Variants in ENOX1 observed in about 807,000 individuals in gnomAD.
The protein encoded by ENOX1 is candidate growth-related and time keeping constitutive hydroquinone (NADH) oxidase.
Under a neutral mutation model 82.5 loss-of-function variants are expected in ENOX1, and 42 were observed. The observed-to-expected ratio is 0.51, with a 90% confidence interval of 0.40 to 0.66. ENOX1 has a LOEUF of 0.66. ENOX1 is among the 30% of genes least tolerant of loss of function. ENOX1 has a pLI of 0.00. For synonymous variants in ENOX1, 271 were observed against 282.2 expected, an observed-to-expected ratio of 0.96 and a Z score of 0.40; for missense variants, 608 against 811.6, an observed-to-expected ratio of 0.75 and a Z score of 3.05.
chr13:43,450,425 T>C (rs985483585), intron 3 of ENOX1, among the ~76,000 whole-genome samples: 1 of 152,012 alleles, frequency 6.6e-6, no homozygotes, highest in Non-Finnish European at 1.5e-5. Context: ...GTGACTGTCA[T>C]TGAGAGGATA....
At chr13:43,461,454 A>AT (rs879275022) in intron 3 of ENOX1, among the ~76,000 whole-genome samples, 3 of 152,062 alleles carry the variant, frequency 2.0e-5, no homozygotes, top group Admixed American at 6.5e-5. Context: ...TGATATATAT[A>AT]TTTTTTTCTT....
intron 2 of ENOX1, among the ~76,000 whole-genome samples, chr13:43,613,297 T>C (rs558973243): frequency 2.6e-5 from 4 of 152,314 alleles, no homozygotes; most frequent in South Asian, 2.1e-4. Flanking sequence ...ATTGTATTTA[T>C]ACAATTAAAA....
intron 5 of ENOX1, among the ~76,000 whole-genome samples, chr13:43,394,265 A>G (rs529357100): frequency 7.2e-4 from 110 of 152,360 alleles, no homozygotes; most frequent in African/African-American, 2.5e-3. Context: ...CTCCTCTTGA[A>G]CAGCCCAAGG....
At chr13:43,410,443 A>T (rs1156957492) in intron 5 of ENOX1, among the ~76,000 whole-genome samples, 27 of 152,192 alleles carry the variant, frequency 1.8e-4, no homozygotes, top group Admixed American at 1.8e-3. Flanking sequence ...TATGAATTTG[A>T]TAGCATTTTG....
rs2042041503 is a variant in ENOX1, at chr13:43,226,731, A to AG, written c.1715-2594dup. Among the ~76,000 whole-genome samples, 3 of 152,160 alleles carry AG rather than the reference A, an allele frequency of 2.0e-5. No homozygotes were observed. In the South Asian group the frequency reaches 6.2e-4, roughly 32 times the overall value. ...TCAGCTTTGGCTTTGTGAGCAGGTGAGGGGGTGCTCCTAGTCGGAAGCTTT... is the reference window on the plus strand; with the variant it reads ...TCAGCTTTGGCTTTGTGAGCAGGTGAGGGGGGTGCTCCTAGTCGGAAGCTTT... On this transcript the variant is annotated intron_variant, in intron 15 of 16. Coordinates refer to ENST00000690772, the MANE Select transcript of ENOX1 (RefSeq NM_001347969.2).
At chr13:43,784,021 T>C (rs1210368576) in intron 1 of ENOX1, among the ~76,000 whole-genome samples, 3 of 152,208 alleles carry the variant, frequency 2.0e-5, no homozygotes, top group African/African-American at 7.2e-5. Flanking sequence ...AATACTATTG[T>C]CTGTTTCCAT....
chr13:43,322,325 T>C, intron 11 of ENOX1, 59 bp downstream of exon 11: 1 of 1,334,230 alleles, frequency 7.5e-7, no homozygotes, highest in Non-Finnish European at 1.1e-6. Flanking sequence ...TTATTCCCCA[T>C]CTGAGATTTG....
At chr13:43,683,844 T>C (rs367545963) in intron 1 of ENOX1, among the ~76,000 whole-genome samples, 11 of 151,900 alleles carry the variant, frequency 7.2e-5, no homozygotes, top group African/African-American at 2.2e-4. Flanking sequence ...TCTATAAATA[T>C]GTATTTAGAC....
At chr13:43,656,534 G>A (rs1274061528) in intron 2 of ENOX1, among the ~76,000 whole-genome samples, 1 of 152,156 alleles carries the variant, frequency 6.6e-6, no homozygotes, top group Non-Finnish European at 1.5e-5. Flanking sequence ...GATGAATCGG[G>A]AAGAGGCAAC....
At chr13:43,677,442 T>C (rs1431981002) in intron 1 of ENOX1, among the ~76,000 whole-genome samples, 1 of 152,168 alleles carries the variant, frequency 6.6e-6, no homozygotes, top group East Asian at 1.9e-4. Context: ...CAGGAGGCTG[T>C]AGAGTGCCAA....
intron 1 of ENOX1, among the ~76,000 whole-genome samples, chr13:43,694,464 T>A (rs2086531172): frequency 6.6e-6 from 1 of 152,218 alleles, no homozygotes; most frequent in Admixed American, 6.5e-5. Context: ...GCCAGGACAC[T>A]CACACAATGC....
chr13:43,405,701 C>T (rs1436186983), intron 5 of ENOX1, among the ~76,000 whole-genome samples: 1 of 152,212 alleles, frequency 6.6e-6, no homozygotes, highest in Admixed American at 6.5e-5. Context: ...CTTCAGGTTA[C>T]TCCATCTGTA....
chr13:43,445,731 A>G lies in ENOX1; in HGVS notation c.-74-32743T>C, dbSNP rs74663320. Reference sequence around the variant, plus strand: ...ACCATTACCAAGGGCACATGGAACAATCTTTCCTATTATTTTTACTGGCAG... The same window carrying G: ...ACCATTACCAAGGGCACATGGAACAGTCTTTCCTATTATTTTTACTGGCAG... On this transcript the variant is annotated intron_variant, in intron 3 of 16. Coordinates refer to ENST00000690772, the MANE Select transcript of ENOX1 (RefSeq NM_001347969.2). 9.7e-3 allele frequency among the ~76,000 whole-genome samples: 1,477 copies of G among 152,322 alleles called. 19 individuals are homozygous for G. The highest frequency in any genetic ancestry group is 0.034 in the African/African-American group (1,403 of 41,556).
At chr13:43,576,000 C>T (rs2080405389) in intron 2 of ENOX1, among the ~76,000 whole-genome samples, 1 of 152,162 alleles carries the variant, frequency 6.6e-6, no homozygotes, top group African/African-American at 2.4e-5. Context: ...AATGTACTGG[C>T]CCTTGTAGTC....
chr13:43,536,152 A>G (rs2078450954), intron 2 of ENOX1, among the ~76,000 whole-genome samples: 2 of 152,212 alleles, frequency 1.3e-5, no homozygotes, highest in African/African-American at 4.8e-5. Flanking sequence ...AAGTTAATGT[A>G]AAAACACTGT....
chr13:43,777,092 C>T (rs11147927), intron 1 of ENOX1, among the ~76,000 whole-genome samples: 61,301 of 151,540 alleles, frequency 0.4, 14,274 homozygotes, highest in Non-Finnish European at 0.55. Flanking sequence ...TAAAAAGGTT[C>T]GCTTGTTGCC....
intron 14 of ENOX1, among the ~76,000 whole-genome samples, chr13:43,240,568 TA>T (rs528886963): frequency 1.5e-3 from 217 of 146,406 alleles, no homozygotes; most frequent in South Asian, 5.4e-3. Context: ...GAGGTGGAAC[TA>T]AAAAAAAAAA....
intron 2 of ENOX1, among the ~76,000 whole-genome samples, chr13:43,572,499 G>C (rs1483925076): frequency 1.3e-5 from 2 of 152,144 alleles, no homozygotes; most frequent in African/African-American, 4.8e-5. Context: ...TGATCCAGGG[G>C]AGTCATGGCA....
chr13:43,350,924 C>T (rs1239741749), intron 8 of ENOX1, among the ~76,000 whole-genome samples: 1 of 152,102 alleles, frequency 6.6e-6, no homozygotes, highest in Non-Finnish European at 1.5e-5. Context: ...TATGTTTGAA[C>T]GGAACGAGGG....
Sources: allele counts gnomAD v4.1 joint callset (sites outside exome capture counted in the v4.1 genomes callset), GRCh38; gene constraint gnomAD v4.1.1; transcripts MANE v1.5; gene names NCBI Gene and HGNC (gene_info 2026-07-23, HGNC 2026-07-21).